Variants in PRSS12 observed in about 807,000 individuals in gnomAD.
The protein encoded by PRSS12 is serine protease 12, also known as neurotrypsin.
In PRSS12, 85 loss-of-function variants were observed where a neutral mutation model predicts 104.4. The ratio of observed to expected loss-of-function variants is 0.81; its 90% CI spans 0.68 to 0.98. The LOEUF is 0.98. PRSS12 is among the 50% of genes least tolerant of loss of function. PRSS12 has a pLI of 0.00. For missense variants in PRSS12, 1,141 were observed against 1,139.2 expected (o/e 1.00, Z -0.02); for synonymous variants, 454 against 425.2 (o/e 1.07, Z -0.83).
intron 7 of PRSS12, among the ~76,000 whole-genome samples, chr4:118,311,774 T>A (rs1743736486): frequency 6.6e-6 from 1 of 152,188 alleles, no homozygotes; most frequent in South Asian, 2.1e-4. Context: ...AAAAAGATTT[T>A]CAAGGGAACA....
At chr4:118,330,070 T>C (rs1432590727) in intron 4 of PRSS12, among the ~76,000 whole-genome samples, 1 of 152,232 alleles carries the variant, frequency 6.6e-6, no homozygotes, top group Non-Finnish European at 1.5e-5. Flanking sequence ...ACAATGCCAG[T>C]AATCACAGCA....
chr4:118,349,094 C>T (rs996886723), intron 1 of PRSS12, among the ~76,000 whole-genome samples: 3 of 152,194 alleles, frequency 2.0e-5, no homozygotes, highest in African/African-American at 7.2e-5. Flanking sequence ...GCCCCTTCAA[C>T]TTGGCTTCAA....
intron 3 of PRSS12, among the ~76,000 whole-genome samples, chr4:118,332,598 C>T (rs1490664128): frequency 2.0e-5 from 3 of 152,142 alleles, no homozygotes. Context: ...AGAGTATTTA[C>T]TTTTATCTAA....
intron 11 of PRSS12, among the ~76,000 whole-genome samples, chr4:118,287,217 T>G (rs951203225): frequency 6.6e-6 from 1 of 152,186 alleles, no homozygotes; most frequent in African/African-American, 2.4e-5. Context: ...CGATCACGGC[T>G]TACTGCGAGC....
At chr4:118,315,508 C>T (rs1242438018) in intron 6 of PRSS12, among the ~76,000 whole-genome samples, 1 of 152,052 alleles carries the variant, frequency 6.6e-6, no homozygotes, top group East Asian at 1.9e-4. Context: ...ACAATTACTT[C>T]AAGCATGACA....
At chr4:118,336,048 C>T (rs1473895149) in intron 2 of PRSS12, among the ~76,000 whole-genome samples, 2 of 152,142 alleles carry the variant, frequency 1.3e-5, no homozygotes, top group African/African-American at 2.4e-5. Context: ...AACTCGAAGG[C>T]TTTGTCTTCT....
chr4:118,290,889 G>A (rs1743111301), intron 11 of PRSS12, among the ~76,000 whole-genome samples: 1 of 150,748 alleles, frequency 6.6e-6, no homozygotes. Context: ...CTTATAACTG[G>A]TCTCCCTCCA....
intron 1 of PRSS12, among the ~76,000 whole-genome samples, chr4:118,345,180 A>G (rs1037582152): frequency 9.9e-5 from 15 of 152,222 alleles, no homozygotes; most frequent in Admixed American, 5.9e-4. Context: ...CTGTTAGAAG[A>G]ACCAGCATTA....
intron 1 of PRSS12, among the ~76,000 whole-genome samples, chr4:118,350,333 C>A (rs1001412727): frequency 5.3e-5 from 8 of 152,144 alleles, no homozygotes; most frequent in African/African-American, 1.7e-4. Flanking sequence ...TTGTTCACAC[C>A]CCTAATTGAA....
chr4:118,328,761 C>T (rs964831869), intron 4 of PRSS12, among the ~76,000 whole-genome samples: 1 of 152,174 alleles, frequency 6.6e-6, no homozygotes, highest in African/African-American at 2.4e-5. Flanking sequence ...GTAGTCGGGA[C>T]TACAGTTGTG....
At chr4:118,343,302 G>C (rs1724263572) in intron 1 of PRSS12, among the ~76,000 whole-genome samples, 1 of 152,076 alleles carries the variant, frequency 6.6e-6, no homozygotes, top group Admixed American at 6.6e-5. Context: ...TACTAAGGCG[G>C]AAGGATTGCT....
At chr4:118,325,986 G>A (rs1346770456) in intron 4 of PRSS12, among the ~76,000 whole-genome samples, 1 of 152,056 alleles carries the variant, frequency 6.6e-6, no homozygotes, top group Non-Finnish European at 1.5e-5. Flanking sequence ...TCTAAATTTA[G>A]CTAATCAAAT....
chr4:118,332,429 G>A (rs573599688), intron 3 of PRSS12, among the ~76,000 whole-genome samples: 16 of 152,264 alleles, frequency 1.1e-4, no homozygotes, highest in East Asian at 3.9e-4. Context: ...GCTCATATCC[G>A]TTTTCGCTGA....
chr4:118,291,972 A>G lies in PRSS12; in HGVS notation c.2039+2967T>C, dbSNP rs151260039. On this transcript the variant is annotated intron_variant, in intron 11 of 12. Coordinates refer to ENST00000296498, the MANE Select transcript of PRSS12 (RefSeq NM_003619.4). ...ATATTTTGCCAGGTGAGGGGAGGGA[A>G]CTTGGAGGACCAGTCAATAAGTGCA... Among the ~76,000 whole-genome samples the G allele has an allele frequency of 3.9e-5, 6 of 152,194 alleles. No homozygotes were observed. In the East Asian group the frequency reaches 9.7e-4, roughly 25 times the overall value.
intron 2 of PRSS12, among the ~76,000 whole-genome samples, chr4:118,337,392 C>G (rs563349401): frequency 6.6e-6 from 1 of 152,148 alleles, no homozygotes; most frequent in East Asian, 1.9e-4. Context: ...ATAAGAAAAA[C>G]AAAAATAAAA....
intron 12 of PRSS12, among the ~76,000 whole-genome samples, 171 bp from the exon 13 acceptor site, chr4:118,282,414 TTGACACAATC>T (rs2126025128): frequency 6.6e-6 from 1 of 152,358 alleles, no homozygotes; most frequent in South Asian, 2.1e-4. Flanking sequence ...TTTTTTAATG[TTGACACAATC>T]TTAACCTTCA....
intron 6 of PRSS12, among the ~76,000 whole-genome samples, chr4:118,314,669 T>C (rs763226102): frequency 7.2e-5 from 11 of 152,122 alleles, no homozygotes; most frequent in Non-Finnish European, 1.5e-4. Flanking sequence ...ATGTAACACA[T>C]GCTTTGACTA....
At chr4:118,302,958 T>C (rs1465555850) in intron 8 of PRSS12, among the ~76,000 whole-genome samples, 2 of 151,924 alleles carry the variant, frequency 1.3e-5, no homozygotes, top group Non-Finnish European at 2.9e-5. Context: ...TTGAAGACAA[T>C]AAAAAATTAA....
chr4:118,336,739 A>G (rs1724073540), intron 2 of PRSS12, among the ~76,000 whole-genome samples: 1 of 152,158 alleles, frequency 6.6e-6, no homozygotes, highest in African/African-American at 2.4e-5. Context: ...CTCACAGAAA[A>G]TTTTATTCCT....
Sources: allele counts gnomAD v4.1 joint callset (sites outside exome capture counted in the v4.1 genomes callset), GRCh38; gene constraint gnomAD v4.1.1; transcripts MANE v1.5; gene names NCBI Gene and HGNC (gene_info 2026-07-23, HGNC 2026-07-21).